SNX13: variants seen among roughly 807,000 people sequenced by gnomAD.
The protein encoded by SNX13 is sorting nexin 13.
A neutral mutation model predicts 133.6 loss-of-function variants in SNX13; 45 were observed. The observed-to-expected ratio is 0.34, with a 90% CI of 0.27 to 0.43. The LOEUF (loss-of-function observed/expected upper bound fraction) is 0.43. Ranked by LOEUF, SNX13 falls within the 20% of genes least tolerant of loss-of-function variation. The probability of loss-of-function intolerance (pLI) is 1.00; values close to 1 mark genes in which losing one functional copy is unlikely to be tolerated. For missense variants in SNX13, 1,032 were observed against 1,145.1 expected, an observed-to-expected ratio of 0.90 and a Z score of 1.43; for synonymous variants, 414 against 373.9, an observed-to-expected ratio of 1.11 and a Z score of -1.24.
At chr7:17,900,674 T>C (rs1431824779) in intron 1 of SNX13, among the ~76,000 whole-genome samples, 1 of 151,058 alleles carries the variant, frequency 6.6e-6, no homozygotes, top group Admixed American at 6.6e-5. Flanking sequence ...CTGTGGTGAA[T>C]GCTGCCAGGC....
chr7:17,910,383 A>T (rs1455029902), intron 1 of SNX13, among the ~76,000 whole-genome samples: 1 of 152,242 alleles, frequency 6.6e-6, no homozygotes, highest in Non-Finnish European at 1.5e-5. Flanking sequence ...ACCTCAAACA[A>T]AACGACTAAT....
chr7:17,909,484 A>T (rs1209722815), intron 1 of SNX13, among the ~76,000 whole-genome samples: 4 of 152,228 alleles, frequency 2.6e-5, no homozygotes, highest in Admixed American at 1.3e-4. Context: ...GATAAAGAAA[A>T]TGTGGTACAT....
At chr7:17,904,226 C>T (rs950928172) in intron 1 of SNX13, among the ~76,000 whole-genome samples, 6 of 152,168 alleles carry the variant, frequency 3.9e-5, no homozygotes, top group African/African-American at 1.4e-4. Flanking sequence ...ATCACAGATT[C>T]CAGATTGCCG....
At chr7:17,815,040 A>C in intron 19 of SNX13, 96 bp from the exon 20 acceptor site, 2 of 1,227,490 alleles carry the variant, frequency 1.6e-6, no homozygotes, top group Non-Finnish European at 2.1e-6. Flanking sequence ...AATTTTAAGA[A>C]TGTATAGTAA....
intron 12 of SNX13, among the ~76,000 whole-genome samples, chr7:17,845,056 C>G (rs191998113): frequency 6.6e-6 from 1 of 152,100 alleles, no homozygotes. Context: ...TTTGCCACTT[C>G]GTTTCAACAT....
At chr7:17,895,068 T>G (rs1797058457) in intron 2 of SNX13, among the ~76,000 whole-genome samples, 1 of 152,228 alleles carries the variant, frequency 6.6e-6, no homozygotes, top group Admixed American at 6.5e-5. Context: ...ACCTGGTTAT[T>G]AAGCATATTT....
chr7:17,822,650 G>A (rs529441052), intron 17 of SNX13, among the ~76,000 whole-genome samples: 2 of 152,062 alleles, frequency 1.3e-5, no homozygotes, highest in Non-Finnish European at 2.9e-5. Flanking sequence ...ATTGTGGTTC[G>A]TATTTCTTTC....
At chr7:17,912,723 T>A (rs1799124290) in intron 1 of SNX13, among the ~76,000 whole-genome samples, 1 of 152,114 alleles carries the variant, frequency 6.6e-6, no homozygotes. Context: ...GAGGATGCCA[T>A]TTCTAATCTG....
chr7:17,874,111 A>G (rs971822537), intron 7 of SNX13, among the ~76,000 whole-genome samples: 1 of 152,356 alleles, frequency 6.6e-6, no homozygotes, highest in Admixed American at 6.5e-5. Flanking sequence ...GCACATCAGT[A>G]TATCTATGTG....
At chr7:17,865,405 T>G (rs1793267094) in intron 9 of SNX13, among the ~76,000 whole-genome samples, 1 of 151,984 alleles carries the variant, frequency 6.6e-6, no homozygotes, top group Non-Finnish European at 1.5e-5. Flanking sequence ...ATAAAATACG[T>G]AAGAATAAAC....
intron 11 of SNX13, among the ~76,000 whole-genome samples, chr7:17,849,419 C>T (rs1790937467): frequency 6.6e-6 from 1 of 152,142 alleles, no homozygotes; most frequent in African/African-American, 2.4e-5. Context: ...TGCAAATAAT[C>T]TCTCAGTTTC....
intron 1 of SNX13, among the ~76,000 whole-genome samples, chr7:17,902,630 C>T (rs1797958252): frequency 6.6e-6 from 1 of 151,986 alleles, no homozygotes; most frequent in Non-Finnish European, 1.5e-5. Context: ...TATAAGAAAC[C>T]TTTCACAAAT....
intron 5 of SNX13, among the ~76,000 whole-genome samples, chr7:17,877,940 T>C (rs1340545547): frequency 6.6e-6 from 1 of 152,052 alleles, no homozygotes; most frequent in African/African-American, 2.4e-5. Context: ...ATAGCACACT[T>C]CTTCCCATTT....
At chr7:17,933,544 GAA>G (rs113827759) in intron 1 of SNX13, among the ~76,000 whole-genome samples, 5 of 120,266 alleles carry the variant, frequency 4.2e-5, no homozygotes, top group Non-Finnish European at 7.2e-5. Context: ...CTCTGTCTCA[GAA>G]AAAAAAAAAA....
At position 17,816,307 on chromosome 7, in the gene SNX13, T is replaced by C. The variant is rs1278424861; in HGVS notation, c.1846-18A>G. The C allele has an allele frequency of 4.6e-6, 7 of 1,527,400 alleles. No homozygotes were observed. Among genetic ancestry groups the C allele is most frequent in the South Asian group, 2.5e-5 (2 of 81,090 alleles). 94.6% of individuals were successfully genotyped at this position (1,527,400 alleles called of 1,614,324 possible). ...CTTTCAAACTGTAAGACAAAATACA[T>C]TCAATAGCACTTTTTATAAAGACAA... On this transcript the variant is annotated intron_variant, in intron 18 of 25. Transcript: ENST00000428135.
rs1052669127 is a variant in SNX13 at position 17,831,574 on chromosome 7, C to T, written c.1598-1527G>A. The T allele has an allele frequency of 6.1e-6, 6 of 983,870 alleles. No individual in the cohort carries two copies. The Admixed American group carries it at 3.1e-4, about 51-fold the overall frequency. The allele number at this position is 983,870 out of a possible 1,614,324, so 60.9% of individuals were successfully genotyped here. A position where few individuals can be genotyped will look rare whatever the true frequency, so the allele number is the denominator to read the frequency against. On this transcript the variant is annotated intron_variant, in intron 15 of 25. Transcript: ENST00000428135. ...TTCTACTCAAGCAAAGAAAAACCAC[C>T]AGAGGATACAGTACTATACCATATG...
At chr7:17,808,624 A>G (rs180970337) in intron 20 of SNX13, among the ~76,000 whole-genome samples, 3,130 of 152,244 alleles carry the variant, frequency 0.021, 46 homozygotes, top group Middle Eastern at 0.054. Flanking sequence ...GATACTCCTC[A>G]AGGAGAGCAA....
At chr7:17,845,571 T>C in intron 12 of SNX13, 24 bp downstream of exon 12, 1 of 1,430,378 alleles carries the variant, frequency 7.0e-7, no homozygotes, top group Non-Finnish European at 9.5e-7. Context: ...GGCTGTATCA[T>C]TTAAATAGAA....
chr7:17,859,164 A>C (rs993714659), intron 9 of SNX13, among the ~76,000 whole-genome samples: 4 of 152,070 alleles, frequency 2.6e-5, no homozygotes, highest in African/African-American at 9.7e-5. Context: ...ACCAAGTCAT[A>C]ACCTAGGGAA....
Sources: gnomAD v4.1 joint callset for allele counts (sites outside exome capture counted in the v4.1 genomes callset) on GRCh38, gnomAD v4.1.1 for gene constraint, MANE v1.5 for transcripts, NCBI Gene and HGNC (gene_info 2026-07-23, HGNC 2026-07-21) for gene names.